The following ARFGEF2 variants were observed in gnomAD, a reference collection of about 807,000 sequenced individuals.
The protein encoded by ARFGEF2 is brefeldin A-inhibited guanine nucleotide-exchange protein 2.
A neutral mutation model predicts 219.9 loss-of-function variants in ARFGEF2; 74 were observed. The observed-to-expected ratio is 0.34, with a 90% CI of 0.28 to 0.41. ARFGEF2 has a LOEUF of 0.41. Ranked by LOEUF, ARFGEF2 falls within the 10% of genes least tolerant of loss-of-function variation. The pLI is 1.00. For missense variants in ARFGEF2, 1,743 were observed against 2,218.3 expected, an observed-to-expected ratio of 0.79 and a Z score of 4.30; for synonymous variants, 733 against 799.2, an observed-to-expected ratio of 0.92 and a Z score of 1.40.
rs1386083198 is a variant in ARFGEF2, at chr20:48,952,878, C to G, written c.597C>G (p.Asn199Lys). Reference sequence around the variant, plus strand: ...ACGTCATTTTCACCCGCATGGAAAACCAAGTGGTGAGTGACAGCACTTACG... The same window carrying G: ...ACGTCATTTTCACCCGCATGGAAAAGCAAGTGGTGAGTGACAGCACTTACG... ...MLNVIFTRME[N>K]QVLQEARELE... Residue 199 changes from asparagine (N) to lysine (K), a missense_variant, in exon 5 of 39, where the codon AAC (asparagine) becomes AAG (lysine). By Grantham distance (94) the Asn-to-Lys change is moderately conservative. This residue lies in a region of ARFGEF2 where 394 missense variants were observed against 426.6 expected (regional missense o/e 0.92). Transcript: ENST00000371917. The G allele has an allele frequency of 6.2e-7, 1 of 1,614,248 alleles. No homozygotes were observed. Among genetic ancestry groups the G allele is most frequent in the Non-Finnish European group, 8.5e-7 (1 of 1,180,032 alleles).
intron 26 of ARFGEF2, among the ~76,000 whole-genome samples, 157 bp downstream of exon 26, chr20:49,005,378 A>C (rs1024692131): frequency 6.6e-6 from 1 of 152,158 alleles, no homozygotes; most frequent in African/African-American, 2.4e-5. Flanking sequence ...TCCTTAAACA[A>C]ATCTCACTAA....
At chr20:49,020,609 C>T (rs1406191145) in intron 34 of ARFGEF2, among the ~76,000 whole-genome samples, 1 of 152,104 alleles carries the variant, frequency 6.6e-6, no homozygotes, top group Non-Finnish European at 1.5e-5. Flanking sequence ...CCACATTCGG[C>T]TAATTATTTT....
In ARFGEF2 at chr20:49,017,339, A is replaced by T; in HGVS notation, c.4406A>T (p.Glu1469Val). 6.2e-7 allele frequency: 1 copy of T among 1,614,138 alleles called. No homozygotes were observed. Among genetic ancestry groups the T allele is most frequent in the Non-Finnish European group, 8.5e-7 (1 of 1,179,998 alleles). ...GEKFSPEVWD[E>V]TCNCMLDIFK... is the part of the protein sequence containing the mutation. Reference sequence around the variant, plus strand: ...AAATTCAGTCCTGAAGTCTGGGATGAAACCTGCAACTGTATGTTGGATATT... The same window carrying T: ...AAATTCAGTCCTGAAGTCTGGGATGTAACCTGCAACTGTATGTTGGATATT... Residue 1469 changes from glutamate to valine, a missense_variant, in exon 32 of 39, where the codon GAA becomes GTA. This residue lies in a region of ARFGEF2 where 578 missense variants were observed against 664.0 expected (regional missense o/e 0.87). Transcript: ENST00000371917.
Position 49,035,516 on chromosome 20 carries a change from C to T in ARFGEF2, c.*2317C>T, listed in dbSNP as rs1444898147. ...AAATCCCTTACCTCCAATAATAAGC[C>T]ATTCAGCCTAAATTCATTTTTATGA... On this transcript the variant is annotated 3_prime_UTR_variant, in exon 39 of 39. Transcript: ENST00000371917. The T allele has an allele frequency of 4.6e-5, 7 of 152,148 alleles. No individual in the cohort carries two copies. The highest frequency in any genetic ancestry group is 1.0e-4 in the Non-Finnish European group (7 of 68,034). The allele number at this position is 152,148 out of a possible 1,614,324, so 9.4% of individuals were successfully genotyped here.
intron 35 of ARFGEF2, 122 bp from the exon 36 acceptor site, chr20:49,025,191 T>TCCC (rs2091594182): frequency 2.0e-6 from 2 of 990,110 alleles, no homozygotes; most frequent in Non-Finnish European, 3.1e-6. Flanking sequence ...TGTTGGGGAA[T>TCCC]AAGTGTGTCT....
chr20:49,031,220 CTTTTTTTTTTT>C (rs869105434), intron 37 of ARFGEF2, among the ~76,000 whole-genome samples: 2 of 59,396 alleles, frequency 3.4e-5, no homozygotes, highest in African/African-American at 8.0e-5. Context: ...TGAGTTTGGA[CTTTTTTTTTTT>C]TTTTTTTTTT....
At chr20:48,936,127 A>C (rs1427960075) in intron 1 of ARFGEF2, among the ~76,000 whole-genome samples, 1 of 106,910 alleles carries the variant, frequency 9.4e-6, no homozygotes. Context: ...CGGGGGGCTG[A>C]CCCCCCCACC....
chr20:49,007,038 C>G (rs2091465400), intron 26 of ARFGEF2, among the ~76,000 whole-genome samples: 1 of 152,082 alleles, frequency 6.6e-6, no homozygotes, highest in Non-Finnish European at 1.5e-5. Context: ...AAGGATCACC[C>G]TGCATTTATC....
At position 49,016,340 on chromosome 20, in the gene ARFGEF2, A is replaced by G; in HGVS notation, c.4240A>G (p.Thr1414Ala). ...ACTTTATGCTATTTGTGATGTTTTT[A>G]CCCAGTTTTATGAAGCTTTGAATGA... ...HALYAICDVFTQFYEALNEVL... is the reference protein window; with the variant it reads ...HALYAICDVFAQFYEALNEVL... Residue 1414 changes from threonine to alanine, a missense_variant, in exon 31 of 39, where the codon ACC becomes GCC. Physicochemically the swap from Thr to Ala is moderately conservative, Grantham distance 58. This residue lies in a region of ARFGEF2 where 578 missense variants were observed against 664.0 expected (regional missense o/e 0.87). Coordinates refer to ENST00000371917, the MANE Select transcript of ARFGEF2 (RefSeq NM_006420.3). 1 of 1,613,904 alleles carries G rather than the reference A, an allele frequency of 6.2e-7. No homozygotes were observed. Among genetic ancestry groups the G allele is most frequent in the Non-Finnish European group, 8.5e-7 (1 of 1,179,936 alleles).
intron 6 of ARFGEF2, among the ~76,000 whole-genome samples, chr20:48,960,028 C>G (rs1054615609): frequency 2.0e-5 from 3 of 152,216 alleles, no homozygotes; most frequent in Non-Finnish European, 4.4e-5. Flanking sequence ...TAAATACTCG[C>G]AGTCATGCAT....
chr20:48,947,274 C>A (rs1320401676), intron 3 of ARFGEF2, among the ~76,000 whole-genome samples: 1 of 151,888 alleles, frequency 6.6e-6, no homozygotes, highest in Non-Finnish European at 1.5e-5. Flanking sequence ...GTAGCACATG[C>A]CTATAATCCC....
At chr20:48,982,002 T>G (rs1013843624) in intron 14 of ARFGEF2, among the ~76,000 whole-genome samples, 2 of 152,158 alleles carry the variant, frequency 1.3e-5, no homozygotes, top group African/African-American at 4.8e-5. Flanking sequence ...TCAAAGTCAT[T>G]TCCATCCATC....
chr20:48,936,256 C>G, intron 1 of ARFGEF2, among the ~76,000 whole-genome samples: 1 of 148,124 alleles, frequency 6.8e-6, no homozygotes, highest in East Asian at 2.1e-4. Flanking sequence ...GGGGGCTGAC[C>G]CCCCCACCCC....
chr20:48,977,439 G>A (rs542874432), intron 14 of ARFGEF2, among the ~76,000 whole-genome samples: 3 of 152,206 alleles, frequency 2.0e-5, no homozygotes, highest in East Asian at 1.9e-4. Context: ...ATAAACATAC[G>A]TGTGCATGTG....
chr20:48,950,208 T>C (rs533618699), intron 3 of ARFGEF2, among the ~76,000 whole-genome samples: 1 of 152,220 alleles, frequency 6.6e-6, no homozygotes, highest in South Asian at 2.1e-4. Context: ...CAGCTGCTCG[T>C]GGGTGACACA....
In ARFGEF2 at chr20:48,982,222, C is replaced by G. The variant is rs188211869; in HGVS notation, c.1959-2507C>G. Among the ~76,000 whole-genome samples the G allele has an allele frequency of 3.3e-5, 5 of 152,272 alleles. No homozygotes were observed. In the East Asian group the frequency reaches 9.6e-4, roughly 29 times the overall value. ...GCTATTCCTTTCTGTTTGTAGCTTT[C>G]CTTCTAACAGTCAGGTCCCTCAGCT... On this transcript the variant is annotated intron_variant, in intron 14 of 38. Coordinates refer to ENST00000371917, the MANE Select transcript of ARFGEF2 (RefSeq NM_006420.3).
At chr20:49,006,942 AG>A (rs1448318118) in intron 26 of ARFGEF2, among the ~76,000 whole-genome samples, 2 of 151,816 alleles carry the variant, frequency 1.3e-5, no homozygotes, top group Non-Finnish European at 2.9e-5. Context: ...GGCCTCCCAA[AG>A]TGCTGGGATT....
chr20:49,012,470 T>C (rs941529464), intron 28 of ARFGEF2, among the ~76,000 whole-genome samples: 14 of 151,142 alleles, frequency 9.3e-5, no homozygotes, highest in Non-Finnish European at 1.8e-4. Context: ...AAATCACCTT[T>C]TGTTTTCTCC....
rs1235849252 is a variant in ARFGEF2 at position 49,035,073 on chromosome 20, G to C, written c.*1874G>C. 6.6e-6 allele frequency: 1 copy of C among 152,176 alleles called. No individual in the cohort carries two copies. The highest frequency in any genetic ancestry group is 1.5e-5 in the Non-Finnish European group (1 of 68,036). 9.4% of individuals were successfully genotyped at this position (152,176 alleles called of 1,614,324 possible). A position where few individuals can be genotyped will look rare whatever the true frequency, so the allele number is the denominator to read the frequency against. ...GAAACCTACACTCCCTGGTATCATA[G>C]CGCGTCATCACCTCAACAAGTCAGT... On this transcript the variant is annotated 3_prime_UTR_variant, in exon 39 of 39. Transcript: ENST00000371917.
Sources: gnomAD v4.1 joint callset for allele counts (sites outside exome capture counted in the v4.1 genomes callset) on GRCh38, gnomAD v4.1.1 for gene constraint, gnomAD v4.1.1 regional missense constraint, MANE v1.5 for transcripts, NCBI Gene and HGNC (gene_info 2026-07-23, HGNC 2026-07-21) for gene names.